DGKG: variants seen among roughly 807,000 people sequenced by gnomAD.
DGKG encodes the protein diacylglycerol kinase gamma.
In DGKG, 78 loss-of-function variants were observed where a neutral mutation model predicts 105.3. The ratio of observed to expected loss-of-function variants is 0.74; its 90% CI spans 0.62 to 0.89. DGKG has a LOEUF of 0.89. Ranked by LOEUF, DGKG falls within the 40% of genes least tolerant of loss-of-function variation. The pLI is 0.00. For synonymous variants in DGKG, 346 were observed against 367.1 expected (o/e 0.94, Z 0.66); for missense variants, 958 against 1,020.1 (o/e 0.94, Z 0.83).
chr3:186,284,787 T>A lies in DGKG; in HGVS notation c.545-78A>T, dbSNP rs991911580. 12 of 1,194,046 alleles carry A rather than the reference T, an allele frequency of 1.0e-5. No individual in the cohort carries two copies. Among genetic ancestry groups the A allele is most frequent in the Non-Finnish European group, 1.5e-5 (12 of 800,874 alleles). 74.0% of individuals were successfully genotyped at this position (1,194,046 alleles called of 1,614,324 possible). On this transcript the variant is annotated intron_variant, in intron 6 of 24. Coordinates refer to ENST00000265022, the MANE Select transcript of DGKG (RefSeq NM_001346.3). The surrounding 1 kb of genome is among the most constrained non-coding windows in gnomAD (Gnocchi z 4.0). ...GCTGAAGTTTTGATGCTGCCAGGTT[T>A]TTAGATTAGTTCTGTCACCACTGTG...
At chr3:186,295,069 T>G (rs1305377867) in intron 5 of DGKG, among the ~76,000 whole-genome samples, 1 of 152,186 alleles carries the variant, frequency 6.6e-6, no homozygotes, top group Non-Finnish European at 1.5e-5. Flanking sequence ...AACTCGATAA[T>G]CCTTCCAGTT....
chr3:186,252,825 G>A (rs559613911), intron 18 of DGKG, among the ~76,000 whole-genome samples: 1 of 152,196 alleles, frequency 6.6e-6, no homozygotes, highest in Non-Finnish European at 1.5e-5. Flanking sequence ...ACTGGGGAAA[G>A]CAGGCTCTAA....
At chr3:186,201,602 C>A (rs902317187) in intron 21 of DGKG, among the ~76,000 whole-genome samples, 2 of 152,154 alleles carry the variant, frequency 1.3e-5, no homozygotes, top group Admixed American at 6.5e-5. Flanking sequence ...TCACTCACTG[C>A]GCAGTTAGGA....
chr3:186,331,632 G>T (rs1560159075), intron 1 of DGKG, among the ~76,000 whole-genome samples: 1 of 152,154 alleles, frequency 6.6e-6, no homozygotes, highest in Non-Finnish European at 1.5e-5. Flanking sequence ...GCTGGGAGTG[G>T]CTGGTACCCA....
intron 1 of DGKG, among the ~76,000 whole-genome samples, chr3:186,329,047 C>T (rs968895013): frequency 6.6e-6 from 1 of 152,202 alleles, no homozygotes; most frequent in Non-Finnish European, 1.5e-5. Flanking sequence ...GCACTTCCCT[C>T]AGCAGCCTGC....
Position 186,149,607 on chromosome 3 carries a change from C to A in DGKG, c.*483G>T. On this transcript the variant is annotated 3_prime_UTR_variant, in exon 25 of 25. Coordinates refer to ENST00000265022, the MANE Select transcript of DGKG (RefSeq NM_001346.3). Reference sequence around the variant, plus strand: ...AGGATTATGCTCTGAGAGCCGGAGGCCGTTTTGTCTCTGTACAGAGGGAAC... The same window carrying A: ...AGGATTATGCTCTGAGAGCCGGAGGACGTTTTGTCTCTGTACAGAGGGAAC... 2.0e-6 allele frequency: 2 copies of A among 986,060 alleles called. No homozygotes were observed. The highest frequency in any genetic ancestry group is 2.4e-6 in the Non-Finnish European group (2 of 830,120). 61.1% of individuals were successfully genotyped at this position (986,060 alleles called of 1,614,324 possible).
chr3:186,257,894 A>T lies in DGKG; in HGVS notation c.1470T>A (p.Cys490Ter). 1 of 1,614,132 alleles carries T rather than the reference A, an allele frequency of 6.2e-7. No homozygotes were observed. Among genetic ancestry groups the T allele is most frequent in the South Asian group, 1.1e-5 (1 of 91,086 alleles). ...TCCAGCCAACTGTCCCATCTCCACC[A>T]CAGGCCAAAACACGGAAGTCTGGAG... ...RDTPDFRVLACGGDGTVGWIL... is the reference protein window; with the variant it reads ...RDTPDFRVLA The change falls in exon 17 of 25, where the codon TGT becomes TGA. Residue 490 changes from cysteine (C) to a stop codon, truncating the protein, a stop_gained. Coordinates refer to ENST00000265022, the MANE Select transcript of DGKG (RefSeq NM_001346.3). LOFTEE classifies it high-confidence loss of function.
At chr3:186,330,102 G>T (rs1013994601) in intron 1 of DGKG, among the ~76,000 whole-genome samples, 2 of 152,154 alleles carry the variant, frequency 1.3e-5, no homozygotes, top group African/African-American at 2.4e-5. Flanking sequence ...GTGATAAAAA[G>T]AATTCAAGAA....
chr3:186,273,914 C>G (rs1447119343), intron 10 of DGKG, among the ~76,000 whole-genome samples: 3 of 152,176 alleles, frequency 2.0e-5, no homozygotes, highest in African/African-American at 7.2e-5. Flanking sequence ...GCTCTGTGCA[C>G]CCACATATTC....
At chr3:186,287,452 T>C (rs1422832101) in intron 6 of DGKG, among the ~76,000 whole-genome samples, 1 of 152,236 alleles carries the variant, frequency 6.6e-6, no homozygotes, top group African/African-American at 2.4e-5. Flanking sequence ...GCCACAGATG[T>C]TCACTGTACT....
intron 1 of DGKG, among the ~76,000 whole-genome samples, chr3:186,338,163 C>T (rs377509561): frequency 2.2e-5 from 3 of 134,584 alleles, no homozygotes; most frequent in Non-Finnish European, 3.1e-5. Flanking sequence ...GAGTGAGACC[C>T]TATCTCAAAA....
intron 21 of DGKG, among the ~76,000 whole-genome samples, chr3:186,199,640 G>A (rs762163167): frequency 1.3e-5 from 2 of 152,118 alleles, no homozygotes; most frequent in Non-Finnish European, 2.9e-5. Flanking sequence ...AGCCTCCTGA[G>A]TAGCTGTGAT....
At chr3:186,331,534 C>A (rs542487955) in intron 1 of DGKG, among the ~76,000 whole-genome samples, 1 of 152,254 alleles carries the variant, frequency 6.6e-6, no homozygotes, top group East Asian at 1.9e-4. Context: ...ACTTTGTACA[C>A]CATTAGTGGC....
intron 20 of DGKG, among the ~76,000 whole-genome samples, chr3:186,219,505 C>T (rs1719461697): frequency 1.3e-5 from 2 of 152,216 alleles, no homozygotes; most frequent in Admixed American, 6.5e-5. Flanking sequence ...TGTTTTTGTA[C>T]TCTGAATGTG....
At chr3:186,337,953 TGAGCCCAG>T in intron 1 of DGKG, among the ~76,000 whole-genome samples, 1 of 152,098 alleles carries the variant, frequency 6.6e-6, no homozygotes, top group East Asian at 1.9e-4. Flanking sequence ...GCAGATTGCC[TGAGCCCAG>T]GAGTTCAAGA....
chr3:186,299,814 T>TTTCA (rs1560141898), intron 3 of DGKG, among the ~76,000 whole-genome samples: 1 of 105,740 alleles, frequency 9.5e-6, no homozygotes, highest in African/African-American at 3.6e-5. Flanking sequence ...TCTTTCTTTC[T>TTTCA]TTCTTTCTTT....
intron 20 of DGKG, among the ~76,000 whole-genome samples, chr3:186,230,280 A>G (rs981158101): frequency 2.0e-5 from 3 of 152,180 alleles, no homozygotes; most frequent in Non-Finnish European, 4.4e-5. Context: ...ACAAACAAAC[A>G]AACAAAACAA....
intron 24 of DGKG, among the ~76,000 whole-genome samples, chr3:186,154,644 C>CAAAAAA (rs60767699): frequency 4.1e-4 from 16 of 39,396 alleles, no homozygotes; most frequent in African/African-American, 6.1e-4. Context: ...GACTCTGTCT[C>CAAAAAA]AAAAAAAAAA....
At chr3:186,188,622 C>A (rs1418385341) in intron 21 of DGKG, among the ~76,000 whole-genome samples, 1 of 152,078 alleles carries the variant, frequency 6.6e-6, no homozygotes, top group Non-Finnish European at 1.5e-5. Flanking sequence ...ACAGTACAGG[C>A]TCCAGGGTCA....
Sources: gnomAD v4.1 joint callset for allele counts (sites outside exome capture counted in the v4.1 genomes callset) on GRCh38, gnomAD v4.1.1 for gene constraint, Gnocchi (gnomAD v3.1) non-coding constraint, MANE v1.5 for transcripts, NCBI Gene and HGNC (gene_info 2026-07-23, HGNC 2026-07-21) for gene names.